The following CCDC50 variants were observed in gnomAD, a reference collection of about 807,000 sequenced individuals.
CCDC50 encodes the protein coiled-coil domain-containing protein 50.
In CCDC50, 54 loss-of-function variants were observed where a neutral mutation model predicts 70.2. That is an observed-to-expected ratio of 0.77 (90% CI 0.62 to 0.96). The LOEUF is 0.96. CCDC50 is among the 50% of genes least tolerant of loss of function. CCDC50 has a pLI of 0.00. For missense variants in CCDC50, 558 were observed against 578.7 expected (o/e 0.96, Z 0.37); for synonymous variants, 216 against 198.8 (o/e 1.09, Z -0.73).
chr3:191,389,696 G>A, intron 11 of CCDC50, 94 bp downstream of exon 11: 1 of 946,608 alleles, frequency 1.1e-6, no homozygotes, highest in South Asian at 1.3e-5. Flanking sequence ...TTCCACTAGA[G>A]TGGAAAAATA....
intron 4 of CCDC50, among the ~76,000 whole-genome samples, chr3:191,366,639 A>T (rs1712699646): frequency 6.6e-6 from 1 of 152,050 alleles, no homozygotes; most frequent in Admixed American, 6.6e-5. Flanking sequence ...TTCTGTCATA[A>T]ATTTGGAAAA....
At chr3:191,380,662 T>G in intron 7 of CCDC50, 25 bp from the exon 8 acceptor site, 1 of 1,606,426 alleles carries the variant, frequency 6.2e-7, no homozygotes, top group African/African-American at 1.3e-5. Flanking sequence ...TTAAATTCTT[T>G]GTTTTTGTAT....
Position 191,382,742 on chromosome 3 carries a change from A to G in CCDC50, c.1243-4A>G, listed in dbSNP as rs755487901. On this transcript the variant is annotated splice_polypyrimidine_tract_variant and splice_region_variant and intron_variant, in intron 9 of 11. Transcript: ENST00000392455. ...TGTTTGTTTGTTTGTATTTTTGTCC[A>G]TAGCCAAAAACAGCTAAAGCAGCAA... 1.2e-6 allele frequency: 2 copies of G among 1,603,170 alleles called. No individual in the cohort carries two copies. Among genetic ancestry groups the G allele is most frequent in the East Asian group, 2.2e-5 (1 of 44,754 alleles).
rs532328861 is a variant in CCDC50 at position 191,362,975 on chromosome 3, T to C, written c.330+1816T>C. 3.9e-5 allele frequency among the ~76,000 whole-genome samples: 6 copies of C among 152,264 alleles called. No homozygotes were observed. The South Asian group carries it at 1.0e-3, about 26-fold the overall frequency. The stretch of plus-strand genomic sequence containing the variant: ...TTGCTTTGGGGATGACACTGGGAAC[T>C]AAAAGAAGTGATTATATTTTGTAGA... On this transcript the variant is annotated intron_variant, in intron 4 of 11. Coordinates refer to ENST00000392455, the MANE Select transcript of CCDC50 (RefSeq NM_178335.3).
intron 1 of CCDC50, among the ~76,000 whole-genome samples, chr3:191,352,490 G>A (rs548404673): frequency 2.1e-5 from 3 of 141,914 alleles, no homozygotes; most frequent in African/African-American, 7.5e-5. Flanking sequence ...ACTGCGCTTT[G>A]GACAAACTAT....
intron 4 of CCDC50, among the ~76,000 whole-genome samples, chr3:191,364,994 T>A (rs1293733493): frequency 6.6e-6 from 1 of 152,110 alleles, no homozygotes; most frequent in Non-Finnish European, 1.5e-5. Context: ...GAATTAGTGG[T>A]TAATAAAAAT....
chr3:191,342,326 T>TG (rs1711759355), intron 1 of CCDC50, among the ~76,000 whole-genome samples: 1 of 152,168 alleles, frequency 6.6e-6, no homozygotes, highest in Admixed American at 6.5e-5. Context: ...GTAAAGTTGT[T>TG]GGGGAATTTT....
intron 10 of CCDC50, among the ~76,000 whole-genome samples, chr3:191,386,479 C>T (rs1713500811): frequency 6.6e-6 from 1 of 152,124 alleles, no homozygotes; most frequent in Non-Finnish European, 1.5e-5. Flanking sequence ...CCCGCCTCGG[C>T]CTCTCAAAGT....
In CCDC50 at chr3:191,380,426, A is replaced by G; in HGVS notation, c.1092+152A>G. ...TCATGACAATAGGAATAGAGTATCC[A>G]CTTTTGCTTAGTGAGTAAGCATTAG... On this transcript the variant is annotated intron_variant, in intron 7 of 11. Transcript: ENST00000392455. 3 of 706,256 alleles carry G rather than the reference A, an allele frequency of 4.2e-6. No homozygotes were observed. The South Asian group carries it at 5.0e-5, about 12-fold the overall frequency. The allele number at this position is 706,256 out of a possible 1,614,324, so 43.7% of individuals were successfully genotyped here. A position where few individuals can be genotyped will look rare whatever the true frequency, so the allele number is the denominator to read the frequency against.
At chr3:191,383,184 A>T (rs1713377936) in intron 10 of CCDC50, among the ~76,000 whole-genome samples, 1 of 152,172 alleles carries the variant, frequency 6.6e-6, no homozygotes, top group South Asian at 2.1e-4. Context: ...TTTCATAGCC[A>T]CACTGATGTG....
In CCDC50 at chr3:191,398,139, A is replaced by C. The variant is rs973056506; in HGVS notation, c.*6379A>C. 5.3e-5 allele frequency: 8 copies of C among 152,192 alleles called. No homozygotes were observed. Among genetic ancestry groups the C allele is most frequent in the African/African-American group, 1.9e-4 (8 of 41,454 alleles). The allele number at this position is 152,192 out of a possible 1,614,324, so 9.4% of individuals were successfully genotyped here. A position where few individuals can be genotyped will look rare whatever the true frequency, so the allele number is the denominator to read the frequency against. On this transcript the variant is annotated 3_prime_UTR_variant, in exon 12 of 12. Transcript: ENST00000392455. ...GCTGGTGACTTTCATGTGTCTTGGG[A>C]GGTTGAGGTGTTCAACATCGTTAAG...
In CCDC50 at chr3:191,392,122, A is replaced by T. The variant is rs1247805306; in HGVS notation, c.*362A>T. The T allele has an allele frequency of 4.8e-6, 1 of 207,440 alleles. No individual in the cohort carries two copies. Among genetic ancestry groups the T allele is most frequent in the Non-Finnish European group, 9.8e-6 (1 of 102,226 alleles). 12.8% of individuals were successfully genotyped at this position (207,440 alleles called of 1,614,324 possible). ...TATGGAGATGAATGATCAAAGTGAA[A>T]CAATGTTTGGATGCAACGCAGAATA... On this transcript the variant is annotated 3_prime_UTR_variant, in exon 12 of 12. Coordinates refer to ENST00000392455, the MANE Select transcript of CCDC50 (RefSeq NM_178335.3).
intron 10 of CCDC50, among the ~76,000 whole-genome samples, chr3:191,383,400 GTC>G (rs1233541440): frequency 6.6e-6 from 1 of 151,306 alleles, no homozygotes; most frequent in Non-Finnish European, 1.5e-5. Flanking sequence ...CAACATTTAA[GTC>G]TCTGGGGAAG....
intron 3 of CCDC50, among the ~76,000 whole-genome samples, chr3:191,360,151 G>A (rs1157208029): frequency 1.3e-5 from 2 of 152,180 alleles, no homozygotes; most frequent in African/African-American, 2.4e-5. Flanking sequence ...CTGGATACCC[G>A]GGCTGCCGTA....
At chr3:191,330,100 A>G (rs939638056) in intron 1 of CCDC50, among the ~76,000 whole-genome samples, 2 of 152,110 alleles carry the variant, frequency 1.3e-5, no homozygotes, top group Non-Finnish European at 2.9e-5. Flanking sequence ...AAGGCTGGGA[A>G]GTGGAGAGGG....
intron 1 of CCDC50, among the ~76,000 whole-genome samples, chr3:191,334,183 A>G (rs1326200581): frequency 6.6e-6 from 1 of 152,132 alleles, no homozygotes; most frequent in Non-Finnish European, 1.5e-5. Flanking sequence ...CACAATAAAA[A>G]AAAATTTTCC....
chr3:191,396,104 T>G lies in CCDC50; in HGVS notation c.*4344T>G, dbSNP rs2108681908. Reference sequence around the variant, plus strand: ...CAACTGTCATTAGAAATGCTGAAATTTAATTGTAGAGAAGTCAAGAAAGAA... The same window carrying G: ...CAACTGTCATTAGAAATGCTGAAATGTAATTGTAGAGAAGTCAAGAAAGAA... On this transcript the variant is annotated 3_prime_UTR_variant, in exon 12 of 12. Coordinates refer to ENST00000392455, the MANE Select transcript of CCDC50 (RefSeq NM_178335.3). 1 of 152,272 alleles carries G rather than the reference T, an allele frequency of 6.6e-6. No homozygotes were observed. The highest frequency in any genetic ancestry group is 2.1e-4 in the South Asian group (1 of 4,828). The allele number at this position is 152,272 out of a possible 1,614,324, so 9.4% of individuals were successfully genotyped here. A position where few individuals can be genotyped will look rare whatever the true frequency, so the allele number is the denominator to read the frequency against.
intron 1 of CCDC50, among the ~76,000 whole-genome samples, chr3:191,332,369 AT>A (rs1718018532): frequency 6.6e-6 from 1 of 152,244 alleles, no homozygotes; most frequent in African/African-American, 2.4e-5. Context: ...AAGGGAAATG[AT>A]TGAGTTCATA....
At chr3:191,361,794 A>G (rs1712497172) in intron 4 of CCDC50, among the ~76,000 whole-genome samples, 2 of 152,194 alleles carry the variant, frequency 1.3e-5, no homozygotes, top group Non-Finnish European at 2.9e-5. Flanking sequence ...GAGAGGGCAC[A>G]CTATTCAGCT....
Sources: gnomAD v4.1 joint callset for allele counts (sites outside exome capture counted in the v4.1 genomes callset) on GRCh38, gnomAD v4.1.1 for gene constraint, MANE v1.5 for transcripts, NCBI Gene and HGNC (gene_info 2026-07-23, HGNC 2026-07-21) for gene names.